The following SLC17A5 variants were observed in gnomAD, a reference collection of about 807,000 sequenced individuals.
SLC17A5 encodes sialin.
A neutral mutation model predicts 59.4 loss-of-function variants in SLC17A5; 47 were observed. That is an observed-to-expected ratio of 0.79 (90% CI 0.63 to 1.01). SLC17A5 has a LOEUF of 1.01. SLC17A5 is among the 50% of genes least tolerant of loss of function. The pLI is 0.00. For missense variants in SLC17A5, 522 were observed against 595.5 expected (o/e 0.88, Z 1.28); for synonymous variants, 202 against 210.7 (o/e 0.96, Z 0.36).
chr6:73,608,025 C>T (rs548741482), intron 9 of SLC17A5, among the ~76,000 whole-genome samples: 61 of 152,238 alleles, frequency 4.0e-4, no homozygotes, highest in South Asian at 4.2e-4. Context: ...GATCCACCCG[C>T]CTCAGCCTCC....
intron 7 of SLC17A5, among the ~76,000 whole-genome samples, chr6:73,620,558 G>A (rs1269104444): frequency 6.6e-6 from 1 of 152,170 alleles, no homozygotes; most frequent in Non-Finnish European, 1.5e-5. Context: ...AGACAGAGGA[G>A]TTCTTCACAG....
chr6:73,633,887 AAAT>A (rs1432334569), intron 6 of SLC17A5, among the ~76,000 whole-genome samples: 72 of 151,896 alleles, frequency 4.7e-4, no homozygotes, highest in Non-Finnish European at 2.5e-4. Context: ...CTAAAAAAAA[AAAT>A]AAATAAAATA....
At chr6:73,611,587 T>C (rs1767640249) in intron 8 of SLC17A5, among the ~76,000 whole-genome samples, 1 of 152,048 alleles carries the variant, frequency 6.6e-6, no homozygotes, top group Non-Finnish European at 1.5e-5. Context: ...CCTTGGTTTT[T>C]TTTTTTTCTG....
At position 73,644,591 on chromosome 6, in the gene SLC17A5, C is replaced by T. The variant is rs770584583; in HGVS notation, c.107G>A (p.Cys36Tyr). ...AATTGCTAAGTTGTAACGAGCAGAG[C>T]AGCACACTGGAGCTGAAATAAAGAT... ...APRAEAAPVC[C>Y]SARYNLAILA... Residue 36 changes from cysteine to tyrosine, a missense_variant, in exon 2 of 11, where the codon TGC becomes TAC. Physicochemically the swap from Cys to Tyr is radical, Grantham distance 194 (BLOSUM62 -2). Transcript: ENST00000355773. The T allele has an allele frequency of 5.0e-6, 8 of 1,613,666 alleles. No individual in the cohort carries two copies. The highest frequency in any genetic ancestry group is 5.9e-6 in the Non-Finnish European group (7 of 1,179,814).
At chr6:73,644,882 A>C (rs1769468668) in intron 1 of SLC17A5, among the ~76,000 whole-genome samples, 1 of 152,246 alleles carries the variant, frequency 6.6e-6, no homozygotes, top group South Asian at 2.1e-4. Context: ...TCTTAGATTA[A>C]GCAAATCTAA....
chr6:73,642,285 C>CCG (rs1241417155), intron 2 of SLC17A5, among the ~76,000 whole-genome samples: 1 of 152,140 alleles, frequency 6.6e-6, no homozygotes, highest in Non-Finnish European at 1.5e-5. Context: ...GCCGCCCCCC[C>CCG]GGCCCTGCCT....
rs1369667144 is a variant in SLC17A5 at position 73,594,493 on chromosome 6, A to C, written c.*584T>G. On this transcript the variant is annotated 3_prime_UTR_variant, in exon 11 of 11. Coordinates refer to ENST00000355773, the MANE Select transcript of SLC17A5 (RefSeq NM_012434.5). ...GAAAGGCACCAGCCGAAGAGTCGAC[A>C]CTGGCTCTGGGCTTGGATGCTGCCT... The C allele has an allele frequency of 6.0e-6, 1 of 165,542 alleles. No individual in the cohort carries two copies. Among genetic ancestry groups the C allele is most frequent in the African/African-American group, 2.4e-5 (1 of 41,512 alleles). 10.3% of individuals were successfully genotyped at this position (165,542 alleles called of 1,614,324 possible). A position where few individuals can be genotyped will look rare whatever the true frequency, so the allele number is the denominator to read the frequency against.
chr6:73,632,434 CTTTTT>C (rs1163170650), intron 6 of SLC17A5, among the ~76,000 whole-genome samples: 2,283 of 86,652 alleles, frequency 0.026, 89 homozygotes, highest in African/African-American at 0.086. Flanking sequence ...GTAGAGAAAG[CTTTTT>C]TTTTTTTTTT....
At chr6:73,610,183 G>A (rs539039691) in intron 9 of SLC17A5, among the ~76,000 whole-genome samples, 1 of 152,060 alleles carries the variant, frequency 6.6e-6, no homozygotes, top group African/African-American at 2.4e-5. Flanking sequence ...ACAGGTGCCC[G>A]CCATCATGCC....
In SLC17A5 at chr6:73,635,405, T is replaced by C; in HGVS notation, c.796A>G (p.Ile266Val). ...KRISHYEKEYILSSLRNQLSS... is the reference protein window; with the variant it reads ...KRISHYEKEYVLSSLRNQLSS... ...ACCTGATTTCTTAATGATGAAAGAA[T>C]GTATTCCTTTTCATAATGGGAAATT... Residue 266 changes from isoleucine to valine, a missense_variant, in exon 6 of 11, where the codon ATT (isoleucine) becomes GTT (valine). Ile to Val is a conservative substitution (Grantham distance 29). Transcript: ENST00000355773. 1 of 1,583,076 alleles carries C rather than the reference T, an allele frequency of 6.3e-7. No homozygotes were observed. Among genetic ancestry groups the C allele is most frequent in the East Asian group, 2.2e-5 (1 of 44,576 alleles).
At chr6:73,642,503 C>T (rs1429306545) in intron 2 of SLC17A5, among the ~76,000 whole-genome samples, 1 of 152,198 alleles carries the variant, frequency 6.6e-6, no homozygotes, top group Non-Finnish European at 1.5e-5. Flanking sequence ...TGGCTATTAA[C>T]ATGCATAAAT....
chr6:73,652,714 A>G (rs1769927073), intron 1 of SLC17A5, among the ~76,000 whole-genome samples: 1 of 152,212 alleles, frequency 6.6e-6, no homozygotes, highest in African/African-American at 2.4e-5. Context: ...TGGTATTTAC[A>G]GTTTGTGTTG....
intron 9 of SLC17A5, among the ~76,000 whole-genome samples, chr6:73,602,352 T>C (rs1474943391): frequency 6.7e-6 from 1 of 149,048 alleles, no homozygotes; most frequent in East Asian, 1.9e-4. Flanking sequence ...TTTGTTCACT[T>C]GTTTATCTGC....
chr6:73,604,119 C>A lies in SLC17A5; in HGVS notation c.1260-3678G>T, dbSNP rs566369321. 2.0e-5 allele frequency among the ~76,000 whole-genome samples: 3 copies of A among 152,140 alleles called. No homozygotes were observed. In the South Asian group the frequency reaches 6.2e-4, roughly 32 times the overall value. On this transcript the variant is annotated intron_variant, in intron 9 of 10. Coordinates refer to ENST00000355773, the MANE Select transcript of SLC17A5 (RefSeq NM_012434.5). ...TAGGGGTGTATCTAAATTAACCAAG[C>A]TTGGCAGAGCCTCTCTTTTTTTTTT...
chr6:73,593,474 G>A lies in SLC17A5; in HGVS notation c.*1603C>T, dbSNP rs1339622017. ...AATTTAAAAATAAATGTACATAAAT[G>A]TATTCACATCACATTAAACAGTTTT... is the stretch of plus-strand genomic sequence containing the variant. On this transcript the variant is annotated 3_prime_UTR_variant, in exon 11 of 11. Coordinates refer to ENST00000355773, the MANE Select transcript of SLC17A5 (RefSeq NM_012434.5). 1.3e-5 allele frequency: 2 copies of A among 152,214 alleles called. No individual in the cohort carries two copies. The highest frequency in any genetic ancestry group is 2.9e-5 in the Non-Finnish European group (2 of 68,038). 9.4% of individuals were successfully genotyped at this position (152,214 alleles called of 1,614,324 possible). A position where few individuals can be genotyped will look rare whatever the true frequency, so the allele number is the denominator to read the frequency against.
chr6:73,600,319 C>T, intron 10 of SLC17A5, 32 bp downstream of exon 10: 1 of 1,514,780 alleles, frequency 6.6e-7, no homozygotes, highest in Non-Finnish European at 9.2e-7. Flanking sequence ...GCTCCAAAAC[C>T]TTTCCAGTTT....
chr6:73,630,815 G>A (rs1294961186), intron 6 of SLC17A5, among the ~76,000 whole-genome samples: 1 of 152,148 alleles, frequency 6.6e-6, no homozygotes, highest in Non-Finnish European at 1.5e-5. Flanking sequence ...GGGAGATGAA[G>A]GCGGGCGGAT....
chr6:73,653,219 G>C (rs1038539370), intron 1 of SLC17A5: 38 of 985,280 alleles, frequency 3.9e-5, no homozygotes, highest in Non-Finnish European at 4.3e-5. Flanking sequence ...ACTCACAAAT[G>C]TTAACTCCAG....
intron 2 of SLC17A5, among the ~76,000 whole-genome samples, chr6:73,642,269 G>A (rs1185538543): frequency 6.6e-6 from 1 of 152,168 alleles, no homozygotes; most frequent in Non-Finnish European, 1.5e-5. Context: ...TATGGCTCGG[G>A]AGGCTGCCGC....
Sources: gnomAD v4.1 joint callset for allele counts (sites outside exome capture counted in the v4.1 genomes callset) on GRCh38, gnomAD v4.1.1 for gene constraint, MANE v1.5 for transcripts, NCBI Gene and HGNC (gene_info 2026-07-23, HGNC 2026-07-21) for gene names.